GRM8: variants seen among roughly 807,000 people sequenced by gnomAD.
GRM8 encodes the protein glutamate metabotropic receptor 8.
Under a neutral mutation model 87.2 loss-of-function variants are expected in GRM8, and 47 were observed. That is an observed-to-expected ratio of 0.54 (90% confidence interval 0.43 to 0.69). GRM8 has a LOEUF of 0.69. Ranked by LOEUF, GRM8 falls within the 30% of genes least tolerant of loss-of-function variation. The probability of loss-of-function intolerance (pLI) is 0.00; values close to 1 mark genes in which losing one functional copy is unlikely to be tolerated. For synonymous variants in GRM8, 396 were observed against 404.5 expected (o/e 0.98, Z 0.25); for missense variants, 1,019 against 1,139.2 (o/e 0.89, Z 1.52).
At chr7:126,931,200 C>G (rs1805728826) in intron 3 of GRM8, among the ~76,000 whole-genome samples, 1 of 152,194 alleles carries the variant, frequency 6.6e-6, no homozygotes, top group Non-Finnish European at 1.5e-5. Flanking sequence ...TAACAAACCA[C>G]AGCATATGAC....
chr7:126,506,385 C>T (rs1489968590), intron 9 of GRM8, among the ~76,000 whole-genome samples: 1 of 152,064 alleles, frequency 6.6e-6, no homozygotes, highest in Non-Finnish European at 1.5e-5. Context: ...CTCTTACCTT[C>T]ACGATGTGGA....
At chr7:127,230,654 A>C (rs1797627780) in intron 2 of GRM8, among the ~76,000 whole-genome samples, 1 of 152,138 alleles carries the variant, frequency 6.6e-6, no homozygotes, top group Non-Finnish European at 1.5e-5. Context: ...GAGCCCTTGT[A>C]AGCGCCCTTA....
At position 126,510,426 on chromosome 7, in the gene GRM8, C is replaced by G. The variant is rs571399929; in HGVS notation, c.2430+22526G>C. The stretch of plus-strand genomic sequence containing the variant: ...AGTTCCCTGAGAGAACTGACCTGTG[C>G]TAGTCCAATATCTCTTGGCATACTC... On this transcript the variant is annotated intron_variant, in intron 9 of 10. Coordinates refer to ENST00000339582, the MANE Select transcript of GRM8 (RefSeq NM_000845.3). Among the ~76,000 whole-genome samples the G allele has an allele frequency of 2.0e-5, 3 of 152,022 alleles. No individual in the cohort carries two copies. In the East Asian group the frequency reaches 5.8e-4, roughly 30 times the overall value.
intron 2 of GRM8, among the ~76,000 whole-genome samples, chr7:127,116,390 GC>G (rs143715088): frequency 0.083 from 12,686 of 152,078 alleles, 1,746 homozygotes; most frequent in African/African-American, 0.29. Context: ...CAACAAATTA[GC>G]TCCCACTACA....
chr7:126,944,762 G>C (rs1267514671), intron 3 of GRM8, among the ~76,000 whole-genome samples: 1 of 151,982 alleles, frequency 6.6e-6, no homozygotes, highest in Non-Finnish European at 1.5e-5. Flanking sequence ...AATACATAAA[G>C]AACTTACAAA....
At chr7:126,530,757 A>G (rs1480784228) in intron 9 of GRM8, among the ~76,000 whole-genome samples, 1 of 152,220 alleles carries the variant, frequency 6.6e-6, no homozygotes, top group African/African-American at 2.4e-5. Flanking sequence ...CATTTTTAAT[A>G]TTCATGTCAA....
At chr7:126,984,807 T>C (rs1490025160) in intron 3 of GRM8, among the ~76,000 whole-genome samples, 1 of 152,192 alleles carries the variant, frequency 6.6e-6, no homozygotes, top group East Asian at 1.9e-4. Flanking sequence ...GTTATTGCCT[T>C]GAAAAGATAA....
intron 7 of GRM8, among the ~76,000 whole-genome samples, chr7:126,741,858 A>T (rs1046626524): frequency 6.6e-6 from 1 of 152,104 alleles, no homozygotes; most frequent in Admixed American, 6.6e-5. Context: ...TAAAAGACTA[A>T]GTTCCTTGTC....
chr7:126,885,656 T>A (rs1245668238), intron 6 of GRM8, among the ~76,000 whole-genome samples: 2 of 152,200 alleles, frequency 1.3e-5, no homozygotes, highest in Admixed American at 1.3e-4. Context: ...GAAAGTGAAC[T>A]TAAAATGTCT....
chr7:126,462,707 T>C (rs372048181), intron 9 of GRM8, among the ~76,000 whole-genome samples: 86 of 151,816 alleles, frequency 5.7e-4, no homozygotes, highest in Middle Eastern at 3.4e-3. Context: ...CTACTGATGC[T>C]TCAGTTTTCA....
chr7:126,545,554 T>G (rs940059250), intron 8 of GRM8, among the ~76,000 whole-genome samples: 8 of 152,226 alleles, frequency 5.3e-5, no homozygotes, highest in African/African-American at 1.9e-4. Context: ...AATTACTATT[T>G]TAGCTATTTT....
At chr7:126,727,740 C>CACACACA in intron 7 of GRM8, among the ~76,000 whole-genome samples, 1 of 146,846 alleles carries the variant, frequency 6.8e-6, no homozygotes, top group African/African-American at 2.6e-5. Flanking sequence ...CACACACACA[C>CACACACA]CCCTAAAAAA....
At chr7:126,636,039 C>G (rs1407034900) in intron 7 of GRM8, among the ~76,000 whole-genome samples, 1 of 151,894 alleles carries the variant, frequency 6.6e-6, no homozygotes, top group Non-Finnish European at 1.5e-5. Context: ...TTTACACATT[C>G]CAAAATGTCT....
chr7:126,517,047 C>T (rs1812277607), intron 9 of GRM8, among the ~76,000 whole-genome samples: 1 of 151,964 alleles, frequency 6.6e-6, no homozygotes, highest in African/African-American at 2.4e-5. Flanking sequence ...ACTTTAAATA[C>T]AAAACAATTT....
intron 8 of GRM8, 90 bp from the exon 9 acceptor site, chr7:126,533,977 T>C (rs1337158166): frequency 3.3e-6 from 3 of 901,110 alleles, no homozygotes; most frequent in African/African-American, 3.4e-5. Context: ...AATCACAGAA[T>C]GCTGACAGTA....
At chr7:126,723,955 G>A (rs183378545) in intron 7 of GRM8, among the ~76,000 whole-genome samples, 2 of 152,214 alleles carry the variant, frequency 1.3e-5, no homozygotes, top group Admixed American at 1.3e-4. Flanking sequence ...ATGCACTCCT[G>A]GCCTCCAGGA....
intron 3 of GRM8, among the ~76,000 whole-genome samples, chr7:127,021,691 G>T (rs1816283162): frequency 6.6e-6 from 1 of 151,980 alleles, no homozygotes; most frequent in South Asian, 2.1e-4. Context: ...AAATCTACTT[G>T]CCATGCTCTT....
chr7:126,681,050 T>A (rs1037977750), intron 7 of GRM8, among the ~76,000 whole-genome samples: 1 of 152,204 alleles, frequency 6.6e-6, no homozygotes, highest in African/African-American at 2.4e-5. Flanking sequence ...TACTTATAAG[T>A]ACTTTAGAAA....
chr7:127,251,692 C>G (rs868157503), intron 1 of GRM8, among the ~76,000 whole-genome samples: 2 of 151,398 alleles, frequency 1.3e-5, no homozygotes, highest in East Asian at 2.0e-4. Context: ...CCTGGCCGCC[C>G]GAGCGCCCGC....
Sources: allele counts gnomAD v4.1 joint callset (sites outside exome capture counted in the v4.1 genomes callset), GRCh38; gene constraint gnomAD v4.1.1; transcripts MANE v1.5; gene names NCBI Gene and HGNC (gene_info 2026-07-23, HGNC 2026-07-21).